Variants in CDH12 observed in about 807,000 individuals in gnomAD.
CDH12 encodes cadherin-12.
A neutral mutation model predicts 74.1 loss-of-function variants in CDH12; 41 were observed. The ratio of observed to expected loss-of-function variants is 0.55; its 90% CI spans 0.43 to 0.72. The LOEUF (loss-of-function observed/expected upper bound fraction) is 0.72. Ranked by LOEUF, CDH12 falls within the 30% of genes least tolerant of loss-of-function variation. The pLI is 0.00. For missense variants in CDH12, 945 were observed against 977.2 expected, an observed-to-expected ratio of 0.97 and a Z score of 0.44; for synonymous variants, 399 against 355.0, an observed-to-expected ratio of 1.12 and a Z score of -1.39.
chr5:22,415,973 C>T, intron 2 of CDH12, among the ~76,000 whole-genome samples: 1 of 150,740 alleles, frequency 6.6e-6, no homozygotes, highest in South Asian at 2.1e-4. Flanking sequence ...TAAATGGTGA[C>T]CCAGATTATA....
intron 3 of CDH12, among the ~76,000 whole-genome samples, chr5:22,243,921 C>G (rs1002658451): frequency 1.3e-5 from 2 of 152,064 alleles, no homozygotes; most frequent in African/African-American, 4.8e-5. Context: ...GCAGCAAAAC[C>G]TATTATTATA....
chr5:22,162,075 T>C (rs1328717343), intron 4 of CDH12, among the ~76,000 whole-genome samples: 1 of 150,530 alleles, frequency 6.6e-6, no homozygotes, highest in African/African-American at 2.4e-5. Context: ...CAGGGCTCAG[T>C]CACCCTTTAC....
intron 5 of CDH12, among the ~76,000 whole-genome samples, chr5:21,986,110 A>G (rs1018377934): frequency 1.3e-5 from 2 of 152,114 alleles, no homozygotes; most frequent in Admixed American, 6.6e-5. Context: ...GCTATTTATC[A>G]TCTGGAAATA....
intron 1 of CDH12, among the ~76,000 whole-genome samples, chr5:22,846,880 C>A (rs892763875): frequency 6.6e-6 from 1 of 152,038 alleles, no homozygotes; most frequent in African/African-American, 2.4e-5. Flanking sequence ...ATAATTGTGG[C>A]ATATAAAAAT....
At chr5:21,818,234 C>T (rs2149947886) in intron 8 of CDH12, among the ~76,000 whole-genome samples, 1 of 150,014 alleles carries the variant, frequency 6.7e-6, no homozygotes, top group Non-Finnish European at 1.5e-5. Flanking sequence ...GGTAAATCAA[C>T]CATGGTGATT....
At chr5:21,819,581 G>T (rs1166581773) in intron 8 of CDH12, among the ~76,000 whole-genome samples, 6 of 151,990 alleles carry the variant, frequency 3.9e-5, no homozygotes, top group African/African-American at 7.2e-5. Flanking sequence ...ATGAGTGTTA[G>T]AAAAAGTCTA....
At chr5:22,634,749 C>T (rs1004700970) in intron 1 of CDH12, among the ~76,000 whole-genome samples, 1 of 151,940 alleles carries the variant, frequency 6.6e-6, no homozygotes, top group African/African-American at 2.4e-5. Context: ...ATTTAATTTA[C>T]AGTAAAATTA....
chr5:22,556,951 A>C (rs1738826991), intron 1 of CDH12, among the ~76,000 whole-genome samples: 1 of 152,052 alleles, frequency 6.6e-6, no homozygotes, highest in African/African-American at 2.4e-5. Flanking sequence ...GATAAAGGAC[A>C]ATTAGCAAAC....
intron 1 of CDH12, among the ~76,000 whole-genome samples, chr5:22,775,444 A>G (rs1279364242): frequency 6.6e-6 from 1 of 152,108 alleles, no homozygotes; most frequent in South Asian, 2.1e-4. Context: ...CCAAGGTAAC[A>G]AACTAAAATT....
intron 6 of CDH12, among the ~76,000 whole-genome samples, chr5:21,880,617 T>TCTCTCTCTCTC (rs1175606424): frequency 1.9e-5 from 1 of 53,936 alleles, no homozygotes; most frequent in African/African-American, 8.3e-5. Context: ...CCTTCCTTCC[T>TCTCTCTCTCTC]TCTTTCTTTC....
intron 1 of CDH12, among the ~76,000 whole-genome samples, chr5:22,821,313 GA>G (rs1749688824): frequency 1.3e-5 from 2 of 152,234 alleles, no homozygotes; most frequent in Middle Eastern, 3.4e-3. Flanking sequence ...TATTCCCTTT[GA>G]AAACCGGCAC....
intron 8 of CDH12, among the ~76,000 whole-genome samples, chr5:21,823,826 C>G (rs1748506936): frequency 6.6e-6 from 1 of 152,046 alleles, no homozygotes; most frequent in South Asian, 2.1e-4. Flanking sequence ...GATCCTACAT[C>G]AGTGTGACTC....
At chr5:22,116,406 C>A (rs945033215) in intron 4 of CDH12, among the ~76,000 whole-genome samples, 2 of 152,124 alleles carry the variant, frequency 1.3e-5, no homozygotes, top group African/African-American at 2.4e-5. Flanking sequence ...GAGATAGAGA[C>A]CATCTTAGCT....
intron 1 of CDH12, among the ~76,000 whole-genome samples, chr5:22,578,742 G>T (rs1031708539): frequency 6.6e-6 from 1 of 151,778 alleles, no homozygotes; most frequent in Non-Finnish European, 1.5e-5. Context: ...TTTTTTTGGT[G>T]GGGGAGGGTA....
intron 1 of CDH12, among the ~76,000 whole-genome samples, chr5:22,677,404 AT>A (rs1220520775): frequency 1.3e-5 from 2 of 151,924 alleles, no homozygotes; most frequent in African/African-American, 4.8e-5. Flanking sequence ...CTGATGACCC[AT>A]TCCTCAGAGA....
chr5:21,962,726 T>G (rs1453996447), intron 6 of CDH12, among the ~76,000 whole-genome samples: 4 of 152,158 alleles, frequency 2.6e-5, no homozygotes, highest in Non-Finnish European at 5.9e-5. Flanking sequence ...CATTATTTGT[T>G]AAGGAAAATC....
intron 6 of CDH12, among the ~76,000 whole-genome samples, chr5:21,870,269 G>A (rs1295698898): frequency 1.3e-5 from 2 of 152,070 alleles, no homozygotes; most frequent in African/African-American, 4.8e-5. Context: ...AGAGAATTGG[G>A]AAAGCACTAC....
At position 22,817,143 on chromosome 5, in the gene CDH12, A is replaced by G. The variant is rs564797713; in HGVS notation, c.-523+35915T>C. On this transcript the variant is annotated intron_variant, in intron 1 of 14. Coordinates refer to ENST00000382254, the MANE Select transcript of CDH12 (RefSeq NM_004061.5). ...TCAGGTTTCCAAATGTATTTTATTC[A>G]TATTAGAAATGTATTATATAATGAA... is the stretch of plus-strand genomic sequence containing the variant. Among the ~76,000 whole-genome samples, 133 of 152,202 alleles carry G rather than the reference A, an allele frequency of 8.7e-4. 1 individual carries two copies. The highest frequency in any genetic ancestry group is 3.2e-3 in the African/African-American group (132 of 41,546).
chr5:22,090,636 A>T (rs1743362963), intron 4 of CDH12, among the ~76,000 whole-genome samples: 1 of 150,472 alleles, frequency 6.6e-6, no homozygotes, highest in Non-Finnish European at 1.5e-5. Flanking sequence ...CACCCTCCTG[A>T]ATACCAATAT....
Sources: gnomAD v4.1 joint callset for allele counts (sites outside exome capture counted in the v4.1 genomes callset) on GRCh38, gnomAD v4.1.1 for gene constraint, MANE v1.5 for transcripts, NCBI Gene and HGNC (gene_info 2026-07-23, HGNC 2026-07-21) for gene names.